Variants in PDE10A observed in about 807,000 individuals in gnomAD.
PDE10A encodes cAMP and cAMP-inhibited cGMP 3',5'-cyclic phosphodiesterase 10A.
Under a neutral mutation model 97.7 loss-of-function variants are expected in PDE10A, and 39 were observed. That is an observed-to-expected ratio of 0.40 (90% CI 0.31 to 0.52). The LOEUF (loss-of-function observed/expected upper bound fraction) is 0.52, where lower values mean the gene tolerates loss of function less well. Among genes scored for constraint, PDE10A ranks in the 20% least tolerant of loss-of-function variants. The probability of loss-of-function intolerance (pLI) is 0.56; values close to 1 mark genes in which losing one functional copy is unlikely to be tolerated. For missense variants in PDE10A, 731 were observed against 1,047.8 expected, an observed-to-expected ratio of 0.70 and a Z score of 4.17; for synonymous variants, 371 against 376.8, an observed-to-expected ratio of 0.98 and a Z score of 0.18.
At chr6:165,877,667 T>TA (rs571909373) in intron 1 of PDE10A, among the ~76,000 whole-genome samples, 3 of 152,156 alleles carry the variant, frequency 2.0e-5, no homozygotes, top group Non-Finnish European at 4.4e-5. Context: ...ATGGGATACT[T>TA]AAAAAAATCT....
At chr6:165,634,540 G>A (rs1194258922) in intron 1 of PDE10A, among the ~76,000 whole-genome samples, 1 of 152,072 alleles carries the variant, frequency 6.6e-6, no homozygotes, top group Admixed American at 6.6e-5. Context: ...ACAAACTACA[G>A]CGAGACAAAG....
In PDE10A at chr6:165,654,525, C is replaced by T. The variant is rs892985665; in HGVS notation, c.865+7422G>A. 2.0e-5 allele frequency among the ~76,000 whole-genome samples: 3 copies of T among 152,204 alleles called. No individual in the cohort carries two copies. The East Asian group carries it at 5.8e-4, about 29-fold the overall frequency. Reference sequence around the variant, plus strand: ...GGTTCCCTCTCTGAGGAAAAGGTTTCCTTCCAGTGTCCAAAGCCATCTCAC... The same window carrying T: ...GGTTCCCTCTCTGAGGAAAAGGTTTTCTTCCAGTGTCCAAAGCCATCTCAC... On this transcript the variant is annotated intron_variant, in intron 1 of 21. Transcript: ENST00000539869.
At chr6:165,925,208 T>A (rs1782897680) in intron 1 of PDE10A, among the ~76,000 whole-genome samples, 1 of 152,132 alleles carries the variant, frequency 6.6e-6, no homozygotes, top group South Asian at 2.1e-4. Flanking sequence ...ACTATACACC[T>A]GTCACAATAC....
intron 1 of PDE10A, among the ~76,000 whole-genome samples, chr6:165,716,399 A>G (rs751336988): frequency 6.6e-6 from 1 of 152,260 alleles, no homozygotes; most frequent in Non-Finnish European, 1.5e-5. Flanking sequence ...TCCAATGTGA[A>G]GGATCTGAAA....
At chr6:165,592,804 T>G (rs1454069337) in intron 1 of PDE10A, among the ~76,000 whole-genome samples, 1 of 152,194 alleles carries the variant, frequency 6.6e-6, no homozygotes, top group Non-Finnish European at 1.5e-5. Flanking sequence ...AAACAACAGG[T>G]GCTGGAGAGG....
At chr6:165,948,602 A>T (rs1252467861) in intron 1 of PDE10A, 1 of 152,180 alleles carries the variant, frequency 6.6e-6, no homozygotes, top group African/African-American at 2.4e-5. Flanking sequence ...GTTCCCGAAT[A>T]CTCCTGCTAA....
intron 1 of PDE10A, among the ~76,000 whole-genome samples, chr6:165,764,686 G>A (rs550467871): frequency 3.9e-5 from 6 of 152,286 alleles, no homozygotes; most frequent in South Asian, 2.1e-4. Context: ...TAGTCCCACC[G>A]GCTCAGGAGT....
intron 8 of PDE10A, 152 bp from the exon 9 acceptor site, chr6:165,430,497 T>TA: frequency 1.8e-6 from 1 of 555,476 alleles, no homozygotes; most frequent in Non-Finnish European, 3.2e-6. Flanking sequence ...CCATTAATAT[T>TA]TACTGAATAC....
At chr6:165,556,310 A>G (rs1233147031) in intron 1 of PDE10A, among the ~76,000 whole-genome samples, 1 of 152,190 alleles carries the variant, frequency 6.6e-6, no homozygotes, top group Non-Finnish European at 1.5e-5. Context: ...CTGAGCTTAC[A>G]CAAAACAGTC....
chr6:165,522,968 T>C (rs931605053), intron 2 of PDE10A, among the ~76,000 whole-genome samples: 11 of 152,028 alleles, frequency 7.2e-5, no homozygotes, highest in African/African-American at 2.2e-4. Context: ...AGTGTTTCTA[T>C]ATACCAACAG....
chr6:165,736,922 A>G (rs1262980690), intron 1 of PDE10A, among the ~76,000 whole-genome samples: 2 of 152,212 alleles, frequency 1.3e-5, no homozygotes, highest in Admixed American at 6.5e-5. Context: ...GACTAACAAA[A>G]AAGAGCACAC....
intron 1 of PDE10A, among the ~76,000 whole-genome samples, chr6:165,701,673 T>A (rs76393951): frequency 6.7e-6 from 1 of 148,838 alleles, no homozygotes; most frequent in South Asian, 2.2e-4. Flanking sequence ...GCATGTATGT[T>A]TGTGTGTGTG....
chr6:165,674,126 A>T (rs182436250), intron 1 of PDE10A, among the ~76,000 whole-genome samples: 30 of 152,316 alleles, frequency 2.0e-4, no homozygotes, highest in Admixed American at 1.8e-3. Context: ...CCAGGTTCAA[A>T]TCTTGCCTTT....
intron 1 of PDE10A, among the ~76,000 whole-genome samples, chr6:165,878,699 G>A (rs1781405189): frequency 6.6e-6 from 1 of 152,198 alleles, no homozygotes; most frequent in South Asian, 2.1e-4. Context: ...CAGGTATGAT[G>A]AGCAGTCCTG....
chr6:165,617,311 A>G (rs933000346), intron 1 of PDE10A, among the ~76,000 whole-genome samples: 7 of 152,208 alleles, frequency 4.6e-5, no homozygotes, highest in Non-Finnish European at 7.3e-5. Context: ...CATTGCATCT[A>G]CCGAAGTGCC....
Position 165,814,989 on chromosome 6 carries a change from C to T in PDE10A, c.-615+172540G>A, listed in dbSNP as rs750841247. On this transcript the variant is annotated intron_variant, in intron 1 of 19. Transcript: ENST00000366882. Reference sequence around the variant, plus strand: ...TCACACAATGAAAGTGGACTCTCTACGTGCATTTATGATTGAAAAGGGAGA... The same window carrying T: ...TCACACAATGAAAGTGGACTCTCTATGTGCATTTATGATTGAAAAGGGAGA... Among the ~76,000 whole-genome samples the T allele has an allele frequency of 1.0e-3, 152 of 152,042 alleles. 1 individual carries two copies. The highest frequency in any genetic ancestry group is 1.8e-4 in the Non-Finnish European group (12 of 68,016).
chr6:165,770,447 T>TTTAGATCCTTCCAGGATGTTCCCTATATA (rs1777974033), intron 1 of PDE10A, among the ~76,000 whole-genome samples: 1 of 152,210 alleles, frequency 6.6e-6, no homozygotes, highest in African/African-American at 2.4e-5. Context: ...AACATTTCTC[T>TTTAGATCCTTCCAGGATGTTCCCTATATA]TTAGATCCTT....
chr6:165,928,979 T>C (rs966465817), intron 1 of PDE10A, among the ~76,000 whole-genome samples: 1 of 152,194 alleles, frequency 6.6e-6, no homozygotes, highest in Non-Finnish European at 1.5e-5. Flanking sequence ...ACAGGTCTCC[T>C]TTCTATCTGA....
intron 18 of PDE10A, among the ~76,000 whole-genome samples, chr6:165,344,316 A>C (rs1782167197): frequency 6.6e-6 from 1 of 152,226 alleles, no homozygotes; most frequent in Non-Finnish European, 1.5e-5. Flanking sequence ...CAGAATAATT[A>C]AGTGGTAGTA....
Sources: gnomAD v4.1 joint callset for allele counts (sites outside exome capture counted in the v4.1 genomes callset) on GRCh38, gnomAD v4.1.1 for gene constraint, MANE v1.5 for transcripts, NCBI Gene and HGNC (gene_info 2026-07-23, HGNC 2026-07-21) for gene names.